The following SYT9 variants were observed in gnomAD, a reference collection of about 807,000 sequenced individuals.
SYT9 encodes synaptotagmin 9, also known as synaptotagmin-9.
Under a neutral mutation model 48.4 loss-of-function variants are expected in SYT9, and 22 were observed. That is an observed-to-expected ratio of 0.45 (90% CI 0.32 to 0.65). The LOEUF (loss-of-function observed/expected upper bound fraction) is 0.65. SYT9 is among the 30% of genes least tolerant of loss of function. The pLI is 0.03. For missense variants in SYT9, 577 were observed against 622.0 expected (o/e 0.93, Z 0.77); for synonymous variants, 265 against 245.0 (o/e 1.08, Z -0.76).
intron 3 of SYT9, among the ~76,000 whole-genome samples, chr11:7,334,635 T>TCGCTGCCACCCATCCCCCGAAC (rs1475174229): frequency 3.5e-4 from 20 of 57,932 alleles, no homozygotes; most frequent in Non-Finnish European, 5.1e-4. Flanking sequence ...CTGCCTCCAC[T>TCGCTGCCACCCATCCCCCGAAC]CCCTGCCACC....
At chr11:7,369,344 A>G (rs993563667) in intron 3 of SYT9, among the ~76,000 whole-genome samples, 16 of 150,920 alleles carry the variant, frequency 1.1e-4, no homozygotes, top group Non-Finnish European at 1.9e-4. Flanking sequence ...TTTCTTGTAA[A>G]TTTGTTTAAG....
At chr11:7,410,265 T>A (rs1234841397) in intron 3 of SYT9, among the ~76,000 whole-genome samples, 1 of 152,218 alleles carries the variant, frequency 6.6e-6, no homozygotes, top group Non-Finnish European at 1.5e-5. Flanking sequence ...TAACATATGC[T>A]GTATCCTGGA....
chr11:7,311,388 G>C (rs1435581559), intron 2 of SYT9, among the ~76,000 whole-genome samples: 2 of 152,258 alleles, frequency 1.3e-5, no homozygotes, highest in Non-Finnish European at 2.9e-5. Flanking sequence ...AAATGTTGCT[G>C]TGATGAATCG....
intron 3 of SYT9, among the ~76,000 whole-genome samples, chr11:7,386,072 A>G (rs934347699): frequency 2.0e-5 from 3 of 152,184 alleles, no homozygotes; most frequent in East Asian, 1.9e-4. Flanking sequence ...GCAGAAAACT[A>G]TTGGACTTTT....
At chr11:7,408,205 C>T (rs1043776820) in intron 3 of SYT9, among the ~76,000 whole-genome samples, 7 of 152,094 alleles carry the variant, frequency 4.6e-5, no homozygotes, top group Admixed American at 6.5e-5. Context: ...CTCTGCTTAC[C>T]GCAACCTCCA....
At chr11:7,382,348 A>C (rs1003159810) in intron 3 of SYT9, among the ~76,000 whole-genome samples, 1 of 152,170 alleles carries the variant, frequency 6.6e-6, no homozygotes, top group Non-Finnish European at 1.5e-5. Context: ...TGACTTGCAG[A>C]TGTGGGAAGC....
chr11:7,252,167 T>C lies in SYT9; in HGVS notation c.-20T>C. On this transcript the variant is annotated 5_prime_UTR_variant, in exon 1 of 7. Coordinates refer to ENST00000318881, the MANE Select transcript of SYT9 (RefSeq NM_175733.4). The surrounding 1 kb of genome is among the most constrained non-coding windows in gnomAD (Gnocchi z 6.3). ...TCCTGCGCCCGCCTGCCCGGCGCGG[T>C]CCGAGGATGCGGGGGGGCGATGCCC... is the stretch of plus-strand genomic sequence containing the variant. 2 of 1,425,990 alleles carry C rather than the reference T, an allele frequency of 1.4e-6. No individual in the cohort carries two copies. Among genetic ancestry groups the C allele is most frequent in the Non-Finnish European group, 1.8e-6 (2 of 1,093,164 alleles). The allele number at this position is 1,425,990 out of a possible 1,614,324, so 88.3% of individuals were successfully genotyped here. A position where few individuals can be genotyped will look rare whatever the true frequency, so the allele number is the denominator to read the frequency against.
At chr11:7,427,688 TG>T (rs1195421144) in intron 6 of SYT9, 2 of 152,198 alleles carry the variant, frequency 1.3e-5, no homozygotes, top group Non-Finnish European at 2.9e-5. Flanking sequence ...ATAATAGGAA[TG>T]GGGTATTTTT....
At chr11:7,442,288 A>AT (rs1847842445) in intron 6 of SYT9, among the ~76,000 whole-genome samples, 1 of 152,178 alleles carries the variant, frequency 6.6e-6, no homozygotes, top group African/African-American at 2.4e-5. Context: ...GAGGGGCTGG[A>AT]GAACACGTCT....
chr11:7,432,618 T>A (rs1387761262), intron 6 of SYT9, among the ~76,000 whole-genome samples: 6 of 34,082 alleles, frequency 1.8e-4, no homozygotes, highest in Middle Eastern at 0.023. Flanking sequence ...TATATATATA[T>A]ATATATATAT....
At chr11:7,399,077 G>C (rs1231815580) in intron 3 of SYT9, among the ~76,000 whole-genome samples, 9 of 152,086 alleles carry the variant, frequency 5.9e-5, no homozygotes, top group Non-Finnish European at 1.0e-4. Context: ...TGTCAAAAAG[G>C]CCTGCAGACA....
intron 3 of SYT9, among the ~76,000 whole-genome samples, chr11:7,375,701 G>T (rs1440077490): frequency 6.6e-6 from 1 of 152,142 alleles, no homozygotes; most frequent in Admixed American, 6.5e-5. Flanking sequence ...GTTCACTCAT[G>T]ATTTGGCTCT....
At chr11:7,426,553 A>T (rs1028379339) in intron 6 of SYT9, among the ~76,000 whole-genome samples, 2 of 152,180 alleles carry the variant, frequency 1.3e-5, no homozygotes, top group African/African-American at 4.8e-5. Flanking sequence ...CATCACAGGC[A>T]TCTTCTTCAT....
intron 1 of SYT9, among the ~76,000 whole-genome samples, chr11:7,293,030 C>A (rs1196914967): frequency 6.6e-6 from 1 of 152,156 alleles, no homozygotes; most frequent in Non-Finnish European, 1.5e-5. Flanking sequence ...CAGTGTCTAG[C>A]TTCAGCACCC....
intron 1 of SYT9, among the ~76,000 whole-genome samples, chr11:7,243,502 T>A (rs1260352004): frequency 6.6e-6 from 1 of 152,214 alleles, no homozygotes; most frequent in African/African-American, 2.4e-5. Flanking sequence ...TCTTACTTCC[T>A]TCCTCTCTTT....
At chr11:7,416,250 G>A (rs1037274385) in intron 4 of SYT9, 88 bp downstream of exon 4, 7 of 1,518,866 alleles carry the variant, frequency 4.6e-6, no homozygotes, top group Non-Finnish European at 6.3e-6. Context: ...AAAGCACATT[G>A]ACTCTGGAAC....
At chr11:7,416,907 A>T (rs987227249) in intron 4 of SYT9, among the ~76,000 whole-genome samples, 4 of 152,192 alleles carry the variant, frequency 2.6e-5, no homozygotes, top group Non-Finnish European at 5.9e-5. Flanking sequence ...GGCTCATTGA[A>T]GACTGAGAAC....
chr11:7,428,718 C>A (rs1393012438), intron 6 of SYT9, among the ~76,000 whole-genome samples: 1 of 152,178 alleles, frequency 6.6e-6, no homozygotes, highest in Admixed American at 6.5e-5. Context: ...GGCAGAGTCT[C>A]ATTTGTTGAG....
chr11:7,341,219 C>A (rs1488355104), intron 3 of SYT9, among the ~76,000 whole-genome samples: 2 of 152,202 alleles, frequency 1.3e-5, no homozygotes, highest in Admixed American at 6.5e-5. Context: ...CCAGTCTCTA[C>A]ACACCTCGGA....
Sources: allele counts gnomAD v4.1 joint callset (sites outside exome capture counted in the v4.1 genomes callset), GRCh38; gene constraint gnomAD v4.1.1; non-coding constraint Gnocchi (gnomAD v3.1); transcripts MANE v1.5; gene names NCBI Gene and HGNC (gene_info 2026-07-23, HGNC 2026-07-21).